CCNF: variants seen among roughly 807,000 people sequenced by gnomAD.
CCNF encodes the protein cyclin F, also known as cyclin-F.
A neutral mutation model predicts 85.4 loss-of-function variants in CCNF; 30 were observed. The ratio of observed to expected loss-of-function variants is 0.35; its 90% CI spans 0.26 to 0.48. CCNF has a LOEUF of 0.48. Among genes scored for constraint, CCNF ranks in the 20% least tolerant of loss-of-function variants. The pLI, the probability that CCNF is intolerant of heterozygous loss-of-function variation, is 0.99. For missense variants in CCNF, 919 were observed against 1,010.4 expected (o/e 0.91, Z 1.23); for synonymous variants, 439 against 425.1 (o/e 1.03, Z -0.40).
At chr16:2,437,802 G>C (rs542668205) in intron 5 of CCNF, 1 of 469,238 alleles carries the variant, frequency 2.1e-6, no homozygotes, top group Admixed American at 3.4e-5. Context: ...AGGAGGCTGC[G>C]GTGGGAGGAT....
Position 2,441,954 on chromosome 16 carries a change from T to TG in CCNF, c.778-1695_778-1694insG, listed in dbSNP as rs2065324016. Among the ~76,000 whole-genome samples the TG allele has an allele frequency of 3.0e-5, 3 of 98,806 alleles. No individual in the cohort carries two copies. In the East Asian group the frequency reaches 7.9e-4, roughly 26 times the overall value. The allele number at this position is 98,806 out of a possible 152,430, so 64.8% of individuals were successfully genotyped here. A position where few individuals can be genotyped will look rare whatever the true frequency, so the allele number is the denominator to read the frequency against. On this transcript the variant is annotated intron_variant, in intron 8 of 16. Transcript: ENST00000397066. ...TTAGCAAATTATATATATATATATA[T>TG]ATATATATATATATATATATATATA...
intron 8 of CCNF, 66 bp downstream of exon 8, chr16:2,439,892 ATC>A (rs1259648375): frequency 1.0e-5 from 14 of 1,380,852 alleles, no homozygotes; most frequent in Non-Finnish European, 1.4e-5. Flanking sequence ...GGGCAGGACT[ATC>A]TGGGCTCCCA....
chr16:2,457,114 G>C lies in CCNF; in HGVS notation c.*94G>C. ...ATAGGAACGCTGCATAGACCATGGA[G>C]GCCTTTGCGCAGAGAGCAGAGAGGA... On this transcript the variant is annotated 3_prime_UTR_variant, in exon 17 of 17. Transcript: ENST00000397066. 2 of 939,418 alleles carry C rather than the reference G, an allele frequency of 2.1e-6. No individual in the cohort carries two copies. Among genetic ancestry groups the C allele is most frequent in the East Asian group, 5.3e-5 (2 of 37,438 alleles). The allele number at this position is 939,418 out of a possible 1,614,324, so 58.2% of individuals were successfully genotyped here.
chr16:2,450,913 C>T (rs371204156), intron 13 of CCNF, among the ~76,000 whole-genome samples: 256 of 152,352 alleles, frequency 1.7e-3, no homozygotes, highest in African/African-American at 5.6e-3. Context: ...GAGCTATCCT[C>T]TGTCTCACTG....
At chr16:2,440,410 G>A (rs2065314915) in intron 8 of CCNF, among the ~76,000 whole-genome samples, 2 of 152,174 alleles carry the variant, frequency 1.3e-5, no homozygotes, top group South Asian at 4.1e-4. Flanking sequence ...CCTGAGGTCA[G>A]GAGTTCGAGA....
chr16:2,435,909 G>C (rs1397711670), intron 4 of CCNF, 36 bp downstream of exon 4: 1 of 1,481,446 alleles, frequency 6.8e-7, no homozygotes, highest in Admixed American at 1.7e-5. Context: ...TGGCGCTTCA[G>C]ATAAGTGTGA....
chr16:2,437,119 G>A lies in CCNF; in HGVS notation c.347-10G>A, dbSNP rs1362138465. 5 of 1,574,220 alleles carry A rather than the reference G, an allele frequency of 3.2e-6. No homozygotes were observed. In the African/African-American group the frequency reaches 6.7e-5, roughly 21 times the overall value. The stretch of plus-strand genomic sequence containing the variant: ...GACATCCCTGGGCTCTGTCCTGTCT[G>A]TCCCCGCAGTGTCTGTGTCTGATGA... On this transcript the variant is annotated splice_polypyrimidine_tract_variant and intron_variant, in intron 4 of 16. Transcript: ENST00000397066.
intron 3 of CCNF, among the ~76,000 whole-genome samples, chr16:2,434,954 A>G (rs1486585835): frequency 1.3e-5 from 2 of 152,132 alleles, no homozygotes; most frequent in Admixed American, 6.5e-5. Context: ...ATTTGATTAC[A>G]TGTTATTAAG....
rs554838007 is a variant in CCNF at position 2,455,733 on chromosome 16, G to A, written c.1885+169G>A. On this transcript the variant is annotated intron_variant, in intron 16 of 16. Transcript: ENST00000397066. ...CGGGGAGTGTGTCCAGACATGGGGAGAGAGGAGGGGAGAGCCCCCAAAAGA... is the reference window on the plus strand; with the variant it reads ...CGGGGAGTGTGTCCAGACATGGGGAAAGAGGAGGGGAGAGCCCCCAAAAGA... Among the ~76,000 whole-genome samples the A allele has an allele frequency of 6.7e-4, 102 of 152,274 alleles. 3 individuals carry two copies. The South Asian group carries it at 0.02, about 30-fold the overall frequency.
chr16:2,445,332 A>C lies in CCNF; in HGVS notation c.930-126A>C, dbSNP rs912266618. ...ACATGGCCTCTCCAGCCTTGGTTCC[A>C]GGGTAAACCCATGATTCCAGAGCTA... is the stretch of plus-strand genomic sequence containing the variant. On this transcript the variant is annotated intron_variant, in intron 9 of 16. Coordinates refer to ENST00000397066, the MANE Select transcript of CCNF (RefSeq NM_001761.3). 5 of 1,124,902 alleles carry C rather than the reference A, an allele frequency of 4.4e-6. No homozygotes were observed. The African/African-American group carries it at 6.2e-5, about 14-fold the overall frequency. The allele number at this position is 1,124,902 out of a possible 1,614,324, so 69.7% of individuals were successfully genotyped here.
In CCNF at chr16:2,457,334, C is replaced by G. The variant is rs1011361078; in HGVS notation, c.*314C>G. ...CTGGAAGCTTCAGCCCATGTGTGTC[C>G]TGGTGTTCCCAGCCCCACCAGAGCC... On this transcript the variant is annotated 3_prime_UTR_variant, in exon 17 of 17. Coordinates refer to ENST00000397066, the MANE Select transcript of CCNF (RefSeq NM_001761.3). The G allele has an allele frequency of 2.5e-5, 6 of 240,206 alleles. No individual in the cohort carries two copies. Among genetic ancestry groups the G allele is most frequent in the Non-Finnish European group, 4.8e-5 (6 of 123,726 alleles). The allele number at this position is 240,206 out of a possible 1,614,324, so 14.9% of individuals were successfully genotyped here.
chr16:2,440,943 G>C (rs2065317793), intron 8 of CCNF, among the ~76,000 whole-genome samples: 2 of 152,038 alleles, frequency 1.3e-5, no homozygotes, highest in South Asian at 4.2e-4. Flanking sequence ...TTTAAAATTA[G>C]CTGGATGGGC....
At chr16:2,441,069 T>C (rs1054466779) in intron 8 of CCNF, among the ~76,000 whole-genome samples, 8 of 151,426 alleles carry the variant, frequency 5.3e-5, no homozygotes, top group Non-Finnish European at 1.5e-5. Flanking sequence ...CCGTCTTTAC[T>C]AAAAATACAA....
Position 2,448,020 on chromosome 16 carries a change from G to A in CCNF, c.1095-835G>A, listed in dbSNP as rs553697255. On this transcript the variant is annotated intron_variant, in intron 10 of 16. Coordinates refer to ENST00000397066, the MANE Select transcript of CCNF (RefSeq NM_001761.3). The stretch of plus-strand genomic sequence containing the variant: ...TCAGTCCAAGGGGAAGGTGCCTTGC[G>A]GGGGGCCGCTGGAGCAGCGTGTTCC... Among the ~76,000 whole-genome samples the A allele has an allele frequency of 7.0e-4, 106 of 152,324 alleles. 1 individual carries two copies. The highest frequency in any genetic ancestry group is 2.3e-3 in the African/African-American group (94 of 41,570).
rs1423926971 is a variant in CCNF, at chr16:2,437,350, C to A, written c.540+28C>A. ...GAGTCTGGGCGAGGGGCAGCACCTG[C>A]GAGGCCACCTGCAGGGTCCCAGGAC... On this transcript the variant is annotated intron_variant, in intron 5 of 16. Coordinates refer to ENST00000397066, the MANE Select transcript of CCNF (RefSeq NM_001761.3). The A allele has an allele frequency of 6.5e-6, 10 of 1,528,674 alleles. No homozygotes were observed. In the East Asian group the frequency reaches 1.4e-4, roughly 21 times the overall value. The allele number at this position is 1,528,674 out of a possible 1,614,324, so 94.7% of individuals were successfully genotyped here.
At position 2,435,888 on chromosome 16, in the gene CCNF, C is replaced by G. The variant is rs781712247; in HGVS notation, c.346+15C>G. 14 of 1,601,284 alleles carry G rather than the reference C, an allele frequency of 8.7e-6. No homozygotes were observed. In the Admixed American group the frequency reaches 2.3e-4, roughly 27 times the overall value. The stretch of plus-strand genomic sequence containing the variant: ...CAATGAAGGCCGTAAGTCCTCACCC[C>G]ACCTGCATGTTGGCGCTTCAGATAA... On this transcript the variant is annotated intron_variant, in intron 4 of 16. Transcript: ENST00000397066.
At position 2,453,250 on chromosome 16, in the gene CCNF, C is replaced by G; in HGVS notation, c.1528C>G (p.Leu510Val). 6.2e-7 allele frequency: 1 copy of G among 1,613,838 alleles called. No individual in the cohort carries two copies. The highest frequency in any genetic ancestry group is 1.7e-5 in the Admixed American group (1 of 60,030). Reference protein sequence around the residue: ...DAPKDYRQVSLTAVKQRFEDK... With the variant: ...DAPKDYRQVSVTAVKQRFEDK... ...CCCCAAGGACTACAGGCAAGTCTCT[C>G]TGACCGCCGTGAAGCAGCGGTTTGA... Residue 510 changes from leucine (L) to valine (V), a missense_variant, in exon 14 of 17, where the codon CTG becomes GTG. Coordinates refer to ENST00000397066, the MANE Select transcript of CCNF (RefSeq NM_001761.3). This position sits in a 1 kb window ranked among gnomAD's most constrained non-coding sequence, Gnocchi z 5.6.
chr16:2,454,930 G>T (rs368589562), intron 15 of CCNF, among the ~76,000 whole-genome samples: 3 of 152,102 alleles, frequency 2.0e-5, no homozygotes. Flanking sequence ...TGTGATGGCG[G>T]GCACCTGTAG....
In CCNF at chr16:2,451,054, C is replaced by T. The variant is rs911727468; in HGVS notation, c.1487+1139C>T. On this transcript the variant is annotated intron_variant, in intron 13 of 16. Coordinates refer to ENST00000397066, the MANE Select transcript of CCNF (RefSeq NM_001761.3). The surrounding 1 kb of genome is among the most constrained non-coding windows in gnomAD (Gnocchi z 4.3). Reference sequence around the variant, plus strand: ...GCCCTTCTCTCTGGTGAGCCTGGCCCGGCCCTCGCCACATCTAAGCCCCTT... The same window carrying T: ...GCCCTTCTCTCTGGTGAGCCTGGCCTGGCCCTCGCCACATCTAAGCCCCTT... Among the ~76,000 whole-genome samples the T allele has an allele frequency of 6.6e-6, 1 of 152,228 alleles. No homozygotes were observed. The highest frequency in any genetic ancestry group is 1.9e-4 in the East Asian group (1 of 5,200).
Sources: allele counts gnomAD v4.1 joint callset (sites outside exome capture counted in the v4.1 genomes callset), GRCh38; gene constraint gnomAD v4.1.1; non-coding constraint Gnocchi (gnomAD v3.1); transcripts MANE v1.5; gene names NCBI Gene and HGNC (gene_info 2026-07-23, HGNC 2026-07-21).